Variants in COL4A1 observed in about 807,000 individuals in gnomAD.
COL4A1 encodes the protein collagen type IV alpha 1 chain.
Under a neutral mutation model 216.6 loss-of-function variants are expected in COL4A1, and 40 were observed. The observed-to-expected ratio is 0.18, with a 90% CI of 0.14 to 0.24. The LOEUF is 0.24. COL4A1 is among the 10% of genes least tolerant of loss of function. The pLI, the probability that COL4A1 is intolerant of heterozygous loss-of-function variation, is 1.00. For missense variants in COL4A1, 1,628 were observed against 2,196.8 expected (o/e 0.74, Z 5.18); for synonymous variants, 839 against 810.7 (o/e 1.03, Z -0.59).
chr13:110,187,669 A>T (rs1594562026), intron 24 of COL4A1, among the ~76,000 whole-genome samples: 2 of 152,334 alleles, frequency 1.3e-5, no homozygotes, highest in East Asian at 3.9e-4. Flanking sequence ...AGGAACACAC[A>T]GCACCTGTCA....
chr13:110,272,902 G>A (rs973684574), intron 1 of COL4A1, among the ~76,000 whole-genome samples: 2 of 152,180 alleles, frequency 1.3e-5, no homozygotes, highest in Non-Finnish European at 2.9e-5. Flanking sequence ...AAACTGATAA[G>A]GGATGCTGGA....
intron 48 of COL4A1, 155 bp downstream of exon 48, chr13:110,162,075 G>A (rs1877110213): frequency 1.3e-6 from 1 of 764,610 alleles, no homozygotes; most frequent in East Asian, 2.5e-5. Context: ...AGGGAAATGG[G>A]GCCGGGCTGC....
At position 110,169,669 on chromosome 13, in the gene COL4A1, A is replaced by G. The variant is rs1877515651; in HGVS notation, c.3836T>C (p.Val1279Ala). The G allele has an allele frequency of 6.2e-7, 1 of 1,614,010 alleles. No individual in the cohort carries two copies. The highest frequency in any genetic ancestry group is 1.1e-5 in the South Asian group (1 of 91,084). ...TCCAGGGTCTCCCTTGGGCCCTGGGACACCGGGTGCTCCTGGCCAGCCTGG... is the reference window on the plus strand; with the variant it reads ...TCCAGGGTCTCCCTTGGGCCCTGGGGCACCGGGTGCTCCTGGCCAGCCTGG... Reference protein sequence around the residue: ...GNPGWPGAPGVPGPKGDPGFQ... With the variant: ...GNPGWPGAPGAPGPKGDPGFQ... Residue 1279 changes from valine to alanine, a missense_variant, in exon 43 of 52, where the codon GTC becomes GCC. Val to Ala is a moderately conservative substitution (Grantham distance 64, BLOSUM62 0). Around this residue, in one of 8 missense-constraint regions of COL4A1, gnomAD observed 345 missense variants for 476.9 expected, o/e 0.72. Coordinates refer to ENST00000375820, the MANE Select transcript of COL4A1 (RefSeq NM_001845.6).
At chr13:110,229,911 C>T (rs950644556) in intron 2 of COL4A1, among the ~76,000 whole-genome samples, 2 of 152,226 alleles carry the variant, frequency 1.3e-5, no homozygotes, top group Middle Eastern at 3.2e-3. Flanking sequence ...GACGTTCACC[C>T]TCTTGTGGGT....
At position 110,177,950 on chromosome 13, in the gene COL4A1, A is replaced by T. The variant is rs764370277; in HGVS notation, c.2627-19T>A. Reference sequence around the variant, plus strand: ...TTGGAACCTGTGGCCAAAGGAAAGGACTGTGAACATTTTCTTGCTCTGAAT... The same window carrying T: ...TTGGAACCTGTGGCCAAAGGAAAGGTCTGTGAACATTTTCTTGCTCTGAAT... On this transcript the variant is annotated intron_variant, in intron 32 of 51. Coordinates refer to ENST00000375820, the MANE Select transcript of COL4A1 (RefSeq NM_001845.6). 1.2e-5 allele frequency: 20 copies of T among 1,613,956 alleles called. No homozygotes were observed. The Admixed American group carries it at 3.3e-4, about 27-fold the overall frequency.
rs67261918 is a variant in COL4A1, at chr13:110,288,262, C to CA, written c.84+18681dup. On this transcript the variant is annotated intron_variant, in intron 1 of 51. Transcript: ENST00000375820. Reference sequence around the variant, plus strand: ...CTGAAACAAGAGCGAAACTCCCTCTCAAAAAAAAAAAAAATAATAATAATA... The same window carrying CA: ...CTGAAACAAGAGCGAAACTCCCTCTCAAAAAAAAAAAAAAATAATAATAATA... Among the ~76,000 whole-genome samples the CA allele has an allele frequency of 7.3e-3, 1,056 of 144,908 alleles. 9 individuals are homozygous for CA. The highest frequency in any genetic ancestry group is 0.022 in the African/African-American group (865 of 39,366).
At chr13:110,219,828 GTATGTATGTATATATGTGTA>G (rs1566385621) in intron 2 of COL4A1, among the ~76,000 whole-genome samples, 3,940 of 68,312 alleles carry the variant, frequency 0.058, 321 homozygotes, top group African/African-American at 0.11. Flanking sequence ...GTATATATAT[GTATGTATGTATATATGTGTA>G]TATATATGTA....
chr13:110,161,014 A>G (rs1877058884), intron 49 of COL4A1, 178 bp downstream of exon 49: 1 of 760,466 alleles, frequency 1.3e-6, no homozygotes. Flanking sequence ...CAGCCAACTG[A>G]CTTTTATGTC....
chr13:110,213,724 TG>T, intron 4 of COL4A1, 57 bp downstream of exon 4: 1 of 1,560,868 alleles, frequency 6.4e-7, no homozygotes, highest in Non-Finnish European at 8.8e-7. Context: ...TGCCCGGCTC[TG>T]GAAGCGGGCC....
rs144315588 is a variant in COL4A1 at position 110,210,430 on chromosome 13, G to T, written c.469-218C>A. Among the ~76,000 whole-genome samples, 5 of 152,154 alleles carry T rather than the reference G, an allele frequency of 3.3e-5. No individual in the cohort carries two copies. In the East Asian group the frequency reaches 9.7e-4, roughly 29 times the overall value. On this transcript the variant is annotated intron_variant, in intron 8 of 51. Transcript: ENST00000375820. ...TAACCACTGCCTGGTCAACTGAGCC[G>T]CAGCCGGGACTGAATGTAGAGACGG...
At chr13:110,260,848 G>C (rs1467050846) in intron 1 of COL4A1, among the ~76,000 whole-genome samples, 1 of 151,888 alleles carries the variant, frequency 6.6e-6, no homozygotes, top group African/African-American at 2.4e-5. Flanking sequence ...AGGAGATGGA[G>C]ACCACGGTGA....
chr13:110,250,847 C>T (rs1395091469), intron 1 of COL4A1, among the ~76,000 whole-genome samples: 1 of 152,194 alleles, frequency 6.6e-6, no homozygotes, highest in Non-Finnish European at 1.5e-5. Flanking sequence ...GGAGCCCCTC[C>T]CAAACCAAGT....
chr13:110,170,133 G>GAAGGAAGGGAGGAAA (rs1566346649), intron 42 of COL4A1, among the ~76,000 whole-genome samples: 10 of 64,476 alleles, frequency 1.6e-4, no homozygotes, highest in South Asian at 5.8e-4. Flanking sequence ...AAGGAAGGAA[G>GAAGGAAGGGAGGAAA]GAAGGAAGGA....
intron 2 of COL4A1, among the ~76,000 whole-genome samples, chr13:110,218,832 C>T (rs1172381677): frequency 6.6e-6 from 1 of 152,146 alleles, no homozygotes; most frequent in Admixed American, 6.5e-5. Flanking sequence ...TTTCCATTTA[C>T]GAGCAGACTG....
intron 11 of COL4A1, 85 bp downstream of exon 11, chr13:110,209,307 T>C: frequency 7.9e-7 from 1 of 1,269,020 alleles, no homozygotes; most frequent in Non-Finnish European, 1.1e-6. Context: ...TTTTAGAGAC[T>C]GAAAGAATAA....
intron 48 of COL4A1, 22 bp downstream of exon 48, chr13:110,162,208 C>G: frequency 6.2e-7 from 1 of 1,605,666 alleles, no homozygotes; most frequent in South Asian, 1.1e-5. Flanking sequence ...TGAATGAATG[C>G]ATGGATCTGC....
At chr13:110,288,511 G>T (rs1175926470) in intron 1 of COL4A1, among the ~76,000 whole-genome samples, 3 of 152,072 alleles carry the variant, frequency 2.0e-5, no homozygotes, top group Non-Finnish European at 2.9e-5. Context: ...TGACAGAATT[G>T]TTCCCACTTC....
intron 1 of COL4A1, among the ~76,000 whole-genome samples, chr13:110,297,835 G>T (rs55997809): frequency 0.055 from 8,297 of 151,976 alleles, 744 homozygotes; most frequent in African/African-American, 0.19. Context: ...AAATTTTAAA[G>T]GCCAAAAGCA....
At chr13:110,252,788 AGTAT>A (rs1249589523) in intron 1 of COL4A1, among the ~76,000 whole-genome samples, 2 of 142,596 alleles carry the variant, frequency 1.4e-5, no homozygotes, top group Non-Finnish European at 3.0e-5. Context: ...TATAATTATA[AGTAT>A]GTATTACATA....
Sources: gnomAD v4.1 joint callset for allele counts (sites outside exome capture counted in the v4.1 genomes callset) on GRCh38, gnomAD v4.1.1 for gene constraint, gnomAD v4.1.1 regional missense constraint, MANE v1.5 for transcripts, NCBI Gene and HGNC (gene_info 2026-07-23, HGNC 2026-07-21) for gene names.